Variants in SYCP2 observed in about 807,000 individuals in gnomAD.
SYCP2 encodes synaptonemal complex lateral element protein.
SYCP2 carries 55 observed loss-of-function variants against 211.3 expected under a neutral mutation model. The ratio of observed to expected loss-of-function variants is 0.26; its 90% CI spans 0.21 to 0.33. SYCP2 has a LOEUF of 0.33. Among genes scored for constraint, SYCP2 ranks in the 10% least tolerant of loss-of-function variants. SYCP2 has a pLI of 1.00. For missense variants in SYCP2, 1,731 were observed against 1,752.0 expected (o/e 0.99, Z 0.21); for synonymous variants, 570 against 555.2 (o/e 1.03, Z -0.37).
Position 59,890,201 on chromosome 20 carries a change from T to C in SYCP2, c.2364+1789A>G, listed in dbSNP as rs1000122898. On this transcript the variant is annotated intron_variant, in intron 24 of 44. Transcript: ENST00000357552. ...AAAGAAAACGTGGCATTATACACCA[T>C]GGAATACTATGCAGCCATAAAAAAG... Among the ~76,000 whole-genome samples, 6 of 152,266 alleles carry C rather than the reference T, an allele frequency of 3.9e-5. No homozygotes were observed. In the East Asian group the frequency reaches 5.8e-4, roughly 15 times the overall value.
Position 59,869,935 on chromosome 20 carries a change from T to C in SYCP2, c.3604A>G (p.Ile1202Val). Residue 1202 changes from isoleucine to valine, a missense_variant, in exon 36 of 45, where the codon ATA becomes GTA. Around this residue, in one of 3 missense-constraint regions of SYCP2, gnomAD observed 1,387 missense variants for 1,351.3 expected, o/e 1.03. Transcript: ENST00000357552. ...TCTTGTGTAAGTACCAGAGAACTTA[T>C]TTTTTTTCTATTTACAATAGTATTA... ...KSNTIVNRKK[I>V]SSLVLTQETQ... The C allele has an allele frequency of 3.1e-6, 5 of 1,600,384 alleles. No homozygotes were observed. The South Asian group carries it at 5.5e-5, about 18-fold the overall frequency.
intron 24 of SYCP2, among the ~76,000 whole-genome samples, chr20:59,890,185 G>A (rs2059877430): frequency 6.6e-6 from 1 of 152,182 alleles, no homozygotes; most frequent in African/African-American, 2.4e-5. Flanking sequence ...TAAAGAAAAC[G>A]TGGCATTATA....
At chr20:59,907,591 A>G (rs2060236391) in intron 14 of SYCP2, among the ~76,000 whole-genome samples, 167 bp from the exon 15 acceptor site, 1 of 151,618 alleles carries the variant, frequency 6.6e-6, no homozygotes, top group African/African-American at 2.4e-5. Context: ...CATATTACAC[A>G]TGTTATATTT....
chr20:59,893,650 T>C (rs2145741739), intron 20 of SYCP2, 57 bp from the exon 21 acceptor site: 1 of 1,315,016 alleles, frequency 7.6e-7, no homozygotes, highest in Non-Finnish European at 1.1e-6. Context: ...AAAACCTAAA[T>C]GTTACAGTAT....
rs2059275174 is a variant in SYCP2, at chr20:59,863,599, T to A, written c.*712A>T. ...ATATTTATTCAAGTGACATAAGCATTTATTTCAACTTCATTAAAAGCAAAT... is the reference window on the plus strand; with the variant it reads ...ATATTTATTCAAGTGACATAAGCATATATTTCAACTTCATTAAAAGCAAAT... On this transcript the variant is annotated 3_prime_UTR_variant, in exon 45 of 45. Coordinates refer to ENST00000357552, the MANE Select transcript of SYCP2 (RefSeq NM_014258.4). The A allele has an allele frequency of 1.3e-5, 2 of 152,026 alleles. No homozygotes were observed. The highest frequency in any genetic ancestry group is 4.8e-5 in the African/African-American group (2 of 41,446). The allele number at this position is 152,026 out of a possible 1,614,324, so 9.4% of individuals were successfully genotyped here. A position where few individuals can be genotyped will look rare whatever the true frequency, so the allele number is the denominator to read the frequency against.
intron 2 of SYCP2, among the ~76,000 whole-genome samples, chr20:59,930,940 G>T (rs2060727812): frequency 6.6e-6 from 1 of 152,118 alleles, no homozygotes; most frequent in Non-Finnish European, 1.5e-5. Context: ...GATCATGGCT[G>T]TCAATAGTAA....
At chr20:59,900,314 T>TGA in intron 17 of SYCP2, 30 bp from the exon 18 acceptor site, 1 of 1,545,240 alleles carries the variant, frequency 6.5e-7, no homozygotes. Flanking sequence ...AAAAAGTATT[T>TGA]AAAACTGCAA....
Position 59,886,700 on chromosome 20 carries a change from A to C in SYCP2, c.2492+7T>G. ...AAAATATTCATGTCTGAAATTTAAGAACATACCTGTTAATCAAAGACTCCT... is the reference window on the plus strand; with the variant it reads ...AAAATATTCATGTCTGAAATTTAAGCACATACCTGTTAATCAAAGACTCCT... On this transcript the variant is annotated splice_region_variant and intron_variant, in intron 25 of 44. Transcript: ENST00000357552. The C allele has an allele frequency of 6.5e-7, 1 of 1,541,940 alleles. No individual in the cohort carries two copies. Among genetic ancestry groups the C allele is most frequent in the Non-Finnish European group, 8.7e-7 (1 of 1,148,162 alleles).
intron 24 of SYCP2, among the ~76,000 whole-genome samples, chr20:59,888,246 G>A (rs916799065): frequency 1.3e-5 from 2 of 151,766 alleles, no homozygotes; most frequent in Non-Finnish European, 2.9e-5. Context: ...ACAAAAATCC[G>A]CAACATCAGC....
intron 14 of SYCP2, among the ~76,000 whole-genome samples, chr20:59,908,492 GCCT>G (rs985874324): frequency 2.0e-5 from 3 of 152,130 alleles, no homozygotes; most frequent in South Asian, 4.2e-4. Flanking sequence ...GCTTTGAGCA[GCCT>G]CCTATTTCTG....
At chr20:59,908,401 T>C (rs2060251843) in intron 14 of SYCP2, among the ~76,000 whole-genome samples, 1 of 152,176 alleles carries the variant, frequency 6.6e-6, no homozygotes, top group Non-Finnish European at 1.5e-5. Context: ...AGTCACACCC[T>C]GATGACATCA....
chr20:59,890,856 C>T (rs1373875328), intron 24 of SYCP2, among the ~76,000 whole-genome samples: 1 of 151,374 alleles, frequency 6.6e-6, no homozygotes, highest in Non-Finnish European at 1.5e-5. Context: ...GATCTTTGTT[C>T]GGACAAAAAG....
At chr20:59,882,294 CA>C in intron 26 of SYCP2, 129 bp from the exon 27 acceptor site, 1 of 712,240 alleles carries the variant, frequency 1.4e-6, no homozygotes, top group Non-Finnish European at 2.4e-6. Context: ...TGGCTTGTAC[CA>C]AAAAGACAGG....
At chr20:59,927,198 C>CA (rs370626429) in intron 2 of SYCP2, among the ~76,000 whole-genome samples, 2 of 151,978 alleles carry the variant, frequency 1.3e-5, no homozygotes, top group Admixed American at 6.6e-5. Flanking sequence ...TTCAGAAGCA[C>CA]AAAAAAAGGA....
intron 3 of SYCP2, 26 bp from the exon 4 acceptor site, chr20:59,921,479 T>C (rs755436899): frequency 2.6e-6 from 4 of 1,524,924 alleles, no homozygotes; most frequent in East Asian, 2.4e-5. Context: ...TAATGGCACA[T>C]ACTGTATCAA....
chr20:59,914,070 T>C, intron 11 of SYCP2, 39 bp downstream of exon 11: 1 of 1,577,006 alleles, frequency 6.3e-7, no homozygotes. Flanking sequence ...TAATAATTTT[T>C]AAAAATTCAC....
At chr20:59,919,409 T>A in intron 6 of SYCP2, 84 bp downstream of exon 6, 3 of 1,040,410 alleles carry the variant, frequency 2.9e-6, no homozygotes, top group Non-Finnish European at 4.4e-6. Flanking sequence ...TAGTGACTTT[T>A]AGGCTCAGGG....
intron 7 of SYCP2, 146 bp downstream of exon 7, chr20:59,919,012 C>G (rs1476616105): frequency 2.3e-6 from 1 of 430,100 alleles, no homozygotes; most frequent in Non-Finnish European, 4.3e-6. Context: ...TATTTATTAT[C>G]TGGCCCTTTA....
intron 15 of SYCP2, among the ~76,000 whole-genome samples, chr20:59,905,168 A>G (rs1029776682): frequency 2.6e-5 from 4 of 152,204 alleles, no homozygotes; most frequent in African/African-American, 9.6e-5. Context: ...GTGAAAATAT[A>G]AAACGGTAAA....
Sources: gnomAD v4.1 joint callset for allele counts (sites outside exome capture counted in the v4.1 genomes callset) on GRCh38, gnomAD v4.1.1 for gene constraint, gnomAD v4.1.1 regional missense constraint, MANE v1.5 for transcripts, NCBI Gene and HGNC (gene_info 2026-07-23, HGNC 2026-07-21) for gene names.